RANBP9: variants seen among roughly 807,000 people sequenced by gnomAD.
RANBP9 encodes RAN binding protein 9.
RANBP9 carries 15 observed loss-of-function variants against 84.3 expected under a neutral mutation model. The ratio of observed to expected loss-of-function variants is 0.18; its 90% CI spans 0.12 to 0.27. The LOEUF is 0.27. Among genes scored for constraint, RANBP9 ranks in the 10% least tolerant of loss-of-function variants. RANBP9 has a pLI of 1.00. For missense variants in RANBP9, 809 were observed against 912.8 expected (o/e 0.89, Z 1.46); for synonymous variants, 392 against 349.6 (o/e 1.12, Z -1.35).
chr6:13,634,568 C>T lies in RANBP9; in HGVS notation c.1674-16G>A. 6 of 1,586,588 alleles carry T rather than the reference C, an allele frequency of 3.8e-6. No homozygotes were observed. Among genetic ancestry groups the T allele is most frequent in the Non-Finnish European group, 5.2e-6 (6 of 1,161,102 alleles). ...TACATCATTACTGAAAACGAAAAAA[C>T]AAACCTAATTTTAGAAATATCATAC... On this transcript the variant is annotated splice_polypyrimidine_tract_variant and intron_variant, in intron 10 of 13. Transcript: ENST00000011619.
intron 6 of RANBP9, among the ~76,000 whole-genome samples, chr6:13,643,583 T>C (rs1438948063): frequency 6.6e-6 from 1 of 152,094 alleles, no homozygotes; most frequent in Non-Finnish European, 1.5e-5. Context: ...TTCTCAAGAG[T>C]TCATGGTGAA....
At chr6:13,626,575 G>A (rs550336805) in intron 12 of RANBP9, among the ~76,000 whole-genome samples, 32 of 152,260 alleles carry the variant, frequency 2.1e-4, no homozygotes, top group South Asian at 8.3e-4. Context: ...AATAAATGAC[G>A]TCTTATTATT....
intron 2 of RANBP9, among the ~76,000 whole-genome samples, chr6:13,672,605 A>G (rs1452112877): frequency 6.6e-6 from 1 of 152,124 alleles, no homozygotes; most frequent in Non-Finnish European, 1.5e-5. Context: ...AGTTTCTACT[A>G]CTCAATAAGC....
At chr6:13,683,309 T>C (rs1373236144) in intron 2 of RANBP9, among the ~76,000 whole-genome samples, 2 of 152,164 alleles carry the variant, frequency 1.3e-5, no homozygotes, top group Non-Finnish European at 2.9e-5. Flanking sequence ...GAGATAAACA[T>C]AAATAGAATG....
chr6:13,704,391 G>A (rs1758047981), intron 1 of RANBP9, among the ~76,000 whole-genome samples: 1 of 152,184 alleles, frequency 6.6e-6, no homozygotes, highest in Non-Finnish European at 1.5e-5. Context: ...ACTTTGGGAG[G>A]CTAAGGCAGG....
At chr6:13,668,532 G>A in intron 2 of RANBP9, among the ~76,000 whole-genome samples, 1 of 151,918 alleles carries the variant, frequency 6.6e-6, no homozygotes, top group East Asian at 1.9e-4. Flanking sequence ...GACCAAATGG[G>A]ATTTATATCC....
intron 1 of RANBP9, among the ~76,000 whole-genome samples, chr6:13,709,784 T>C (rs969122629): frequency 3.9e-5 from 6 of 152,254 alleles, no homozygotes; most frequent in Admixed American, 6.5e-5. Context: ...AACTTACTTA[T>C]CAAGCTTCTT....
chr6:13,638,958 A>G (rs142444844), intron 9 of RANBP9, among the ~76,000 whole-genome samples: 1 of 152,290 alleles, frequency 6.6e-6, no homozygotes, highest in Non-Finnish European at 1.5e-5. Context: ...ATTTTATTAA[A>G]ACACACAATT....
rs71562480 is a variant in RANBP9, at chr6:13,711,169, C to G, written c.337G>C (p.Gly113Arg). ...PAPPGLAAGP[G>R]PAGGAPTPAL... ...GGGGTCGGGGCTCCTCCAGCCGGGCCGGGGCCCGCTGCAAGGCCCGGGGGA... is the reference window on the plus strand; with the variant it reads ...GGGGTCGGGGCTCCTCCAGCCGGGCGGGGGCCCGCTGCAAGGCCCGGGGGA... The change falls in exon 1 of 14, where the codon GGC becomes CGC. Residue 113 changes from glycine (G) to arginine (R), a missense_variant. By Grantham distance (125) the Gly-to-Arg change is moderately radical. Coordinates refer to ENST00000011619, the MANE Select transcript of RANBP9 (RefSeq NM_005493.3). The G allele has an allele frequency of 4.4e-5, 61 of 1,379,042 alleles. No individual in the cohort carries two copies. Among genetic ancestry groups the G allele is most frequent in the African/African-American group, 7.9e-5 (5 of 62,986 alleles). The allele number at this position is 1,379,042 out of a possible 1,614,324, so 85.4% of individuals were successfully genotyped here. A position where few individuals can be genotyped will look rare whatever the true frequency, so the allele number is the denominator to read the frequency against.
At chr6:13,677,766 T>C (rs181332581) in intron 2 of RANBP9, among the ~76,000 whole-genome samples, 162 of 152,274 alleles carry the variant, frequency 1.1e-3, no homozygotes, top group Non-Finnish European at 2.4e-4. Context: ...TTAAAAGTGA[T>C]ATATACCAAC....
intron 2 of RANBP9, among the ~76,000 whole-genome samples, chr6:13,686,089 C>A: frequency 8.1e-6 from 1 of 123,716 alleles, no homozygotes; most frequent in Non-Finnish European, 1.7e-5. Flanking sequence ...TCCTGAATTT[C>A]CAAAATTTCT....
intron 4 of RANBP9, among the ~76,000 whole-genome samples, chr6:13,655,527 G>A (rs1487195164): frequency 1.3e-5 from 2 of 151,888 alleles, no homozygotes; most frequent in African/African-American, 2.4e-5. Flanking sequence ...CCATTATTAG[G>A]TGCACCTTTT....
At chr6:13,653,406 T>C (rs546807213) in intron 4 of RANBP9, among the ~76,000 whole-genome samples, 9 of 152,290 alleles carry the variant, frequency 5.9e-5, no homozygotes, top group East Asian at 1.9e-4. Context: ...TATTCCAATA[T>C]ACAACTTAGC....
chr6:13,648,513 T>C (rs771796180), intron 5 of RANBP9, among the ~76,000 whole-genome samples: 2 of 152,192 alleles, frequency 1.3e-5, no homozygotes, highest in Non-Finnish European at 2.9e-5. Context: ...GATTTATATG[T>C]AATAATGTCT....
intron 12 of RANBP9, among the ~76,000 whole-genome samples, chr6:13,627,331 C>T (rs1196842434): frequency 6.6e-6 from 1 of 151,984 alleles, no homozygotes; most frequent in Non-Finnish European, 1.5e-5. Context: ...TCAAATCAAA[C>T]ACATTATTTT....
chr6:13,644,732 G>GT lies in RANBP9; in HGVS notation c.928-4dup. On this transcript the variant is annotated splice_region_variant and splice_polypyrimidine_tract_variant and intron_variant, in intron 5 of 13. Transcript: ENST00000011619. ...CCCACAGTAGGATACAAATTTGGCT[G>GT]TAAGATAGCATATTTCATTAAACAT... 8.2e-6 allele frequency: 13 copies of GT among 1,578,840 alleles called. No homozygotes were observed. The highest frequency in any genetic ancestry group is 1.1e-5 in the Non-Finnish European group (13 of 1,164,128).
rs201882272 is a variant in RANBP9, at chr6:13,644,629, C to T, written c.1028G>A (p.Arg343Gln). Residue 343 changes from arginine (R) to glutamine (Q), a missense_variant, in exon 6 of 14, where the codon CGG becomes CAG. Transcript: ENST00000011619. The part of the protein sequence containing the change: ...PFVFDIEDYM[R>Q]EWRTKIQAQI... ...TGCCTGGATTTTGGTTCTCCACTCC[C>T]GCATATAGTCTTCTATATCAAACAC... is the stretch of plus-strand genomic sequence containing the variant. The T allele has an allele frequency of 3.7e-6, 6 of 1,613,586 alleles. No individual in the cohort carries two copies. Among genetic ancestry groups the T allele is most frequent in the African/African-American group, 1.3e-5 (1 of 75,006 alleles).
At chr6:13,695,404 T>TG (rs2113355215) in intron 2 of RANBP9, among the ~76,000 whole-genome samples, 1 of 149,224 alleles carries the variant, frequency 6.7e-6, no homozygotes, top group East Asian at 2.0e-4. Flanking sequence ...ACCAAATGTT[T>TG]TTTTTTTTTT....
chr6:13,632,562 T>G, intron 11 of RANBP9, 41 bp from the exon 12 acceptor site: 1 of 1,550,636 alleles, frequency 6.4e-7, no homozygotes, highest in South Asian at 1.1e-5. Flanking sequence ...CCTTATGGAA[T>G]GGAGTATAAT....
Sources: allele counts gnomAD v4.1 joint callset (sites outside exome capture counted in the v4.1 genomes callset), GRCh38; gene constraint gnomAD v4.1.1; transcripts MANE v1.5; gene names NCBI Gene and HGNC (gene_info 2026-07-23, HGNC 2026-07-21).